The following RPS6KA6 variants were observed in gnomAD, a reference collection of about 807,000 sequenced individuals.
RPS6KA6 encodes ribosomal protein S6 kinase A6, also known as ribosomal protein S6 kinase alpha-6.
RPS6KA6 carries 27 observed loss-of-function variants against 65.4 expected under a neutral mutation model. That is an observed-to-expected ratio of 0.41 (90% CI 0.30 to 0.57). RPS6KA6 has a LOEUF of 0.57. Ranked by LOEUF, RPS6KA6 falls within the 20% of genes least tolerant of loss-of-function variation. RPS6KA6 has a pLI of 0.24. For synonymous variants in RPS6KA6, 190 were observed against 184.2 expected (o/e 1.03, Z -0.26); for missense variants, 486 against 555.6 (o/e 0.87, Z 1.26).
intron 20 of RPS6KA6, among the ~76,000 whole-genome samples, chrX:84,093,710 ATT>A (rs746221874): frequency 3.6e-5 from 4 of 111,170 alleles, no homozygotes; most frequent in Non-Finnish European, 7.6e-5. Flanking sequence ...ATTTCAGCAG[ATT>A]TTTTTTTGCA....
chrX:84,178,892 C>CA (rs1434911714), intron 1 of RPS6KA6, among the ~76,000 whole-genome samples: 2 of 108,114 alleles, frequency 1.8e-5, no homozygotes, highest in African/African-American at 6.7e-5. Flanking sequence ...GATACAACAC[C>CA]AAAAACACAA....
Position 84,086,544 on chromosome X carries a change from C to CT in RPS6KA6, c.1971+9649dup, listed in dbSNP as rs200707457. Among the ~76,000 whole-genome samples, 1,059 of 108,099 alleles carry CT rather than the reference C, an allele frequency of 9.8e-3. 13 individuals carry two copies. Among genetic ancestry groups the CT allele is most frequent in the African/African-American group, 0.03 (898 of 29,787 alleles). The allele number at this position is 108,099 out of a possible 115,157, so 93.9% of individuals were successfully genotyped here. ...ACTGTTTGTTATGATTTCAGTTTTT[C>CT]TTTTTTTTTGCATTTGCTGAGGAGT... On this transcript the variant is annotated intron_variant, in intron 20 of 21. Coordinates refer to ENST00000262752, the MANE Select transcript of RPS6KA6 (RefSeq NM_014496.5).
intron 1 of RPS6KA6, among the ~76,000 whole-genome samples, chrX:84,170,036 G>A (rs1281631598): frequency 9.2e-6 from 1 of 108,742 alleles, no homozygotes; most frequent in Non-Finnish European, 1.9e-5. Context: ...TGTACATAGT[G>A]ACACACGCCT....
chrX:84,067,174 C>G (rs190490893), intron 20 of RPS6KA6, among the ~76,000 whole-genome samples: 174 of 112,042 alleles, frequency 1.6e-3, no homozygotes, highest in African/African-American at 5.5e-3. Context: ...GAGGAAAAAC[C>G]AGCACAAAAA....
chrX:84,162,119 T>C (rs920665605), intron 2 of RPS6KA6, among the ~76,000 whole-genome samples: 2 of 110,522 alleles, frequency 1.8e-5, no homozygotes, highest in Non-Finnish European at 3.8e-5. Flanking sequence ...CTGAAAGAAG[T>C]AGGATACTAG....
chrX:84,108,017 G>A (rs12690410), intron 12 of RPS6KA6, among the ~76,000 whole-genome samples: 2 of 111,797 alleles, frequency 1.8e-5, no homozygotes, highest in East Asian at 5.7e-4. Flanking sequence ...ATACAGCACA[G>A]TAATAACTAA....
rs761671205 is a variant in RPS6KA6 at position 84,124,173 on chromosome X, A to G, written c.647-4146T>C. 3.2e-3 allele frequency among the ~76,000 whole-genome samples: 361 copies of G among 111,502 alleles called. 1 individual carries two copies. The highest frequency in any genetic ancestry group is 5.4e-3 in the Non-Finnish European group (289 of 53,119). ...CAGCGAATACCTGTACAGTCTTCTC[A>G]AGAAGGACAGGTACAAACAAGCCCG... On this transcript the variant is annotated intron_variant, in intron 8 of 21. Transcript: ENST00000262752.
chrX:84,095,618 A>C, intron 20 of RPS6KA6, among the ~76,000 whole-genome samples: 1 of 68,929 alleles, frequency 1.5e-5, no homozygotes, highest in South Asian at 6.0e-4. Context: ...ATTGAATAGT[A>C]TTTTGGATAT....
chrX:84,111,471 CATCAGACTGACAGTG>C (rs2034469504), intron 12 of RPS6KA6, among the ~76,000 whole-genome samples: 2 of 111,736 alleles, frequency 1.8e-5, no homozygotes, highest in South Asian at 7.5e-4. Context: ...AAGGAAATCT[CATCAGACTGACAGTG>C]GACTTCTCAG....
At chrX:84,150,012 C>A (rs1024580775) in intron 3 of RPS6KA6, among the ~76,000 whole-genome samples, 2 of 112,248 alleles carry the variant, frequency 1.8e-5, no homozygotes, top group Non-Finnish European at 3.8e-5. Context: ...TTCTGACTAA[C>A]CTGCTACAGC....
At chrX:84,082,686 A>T (rs922423940) in intron 20 of RPS6KA6, among the ~76,000 whole-genome samples, 2 of 111,751 alleles carry the variant, frequency 1.8e-5, no homozygotes, top group African/African-American at 6.5e-5. Flanking sequence ...ACGCTACCTG[A>T]CTTCAAACTA....
chrX:84,160,135 A>G, intron 2 of RPS6KA6, among the ~76,000 whole-genome samples: 1 of 111,440 alleles, frequency 9.0e-6, no homozygotes, highest in Admixed American at 9.5e-5. Flanking sequence ...CTAAATAAGG[A>G]CCCCTAGTCT....
chrX:84,180,231 G>A (rs771120845), intron 1 of RPS6KA6, among the ~76,000 whole-genome samples: 76 of 111,335 alleles, frequency 6.8e-4, no homozygotes, highest in African/African-American at 2.2e-3. Context: ...ATGTCTTAAT[G>A]ACTAATTTCA....
At chrX:84,173,584 T>C (rs755211154) in intron 1 of RPS6KA6, among the ~76,000 whole-genome samples, 17 of 112,709 alleles carry the variant, frequency 1.5e-4, no homozygotes, top group Non-Finnish European at 2.8e-4. Context: ...ATAAAAAATA[T>C]GTGAATCAAA....
At chrX:84,140,754 C>CATATATATATATATATATATAT (rs2035084323) in intron 6 of RPS6KA6, among the ~76,000 whole-genome samples, 1 of 56,361 alleles carries the variant, frequency 1.8e-5, no homozygotes, top group Non-Finnish European at 3.8e-5. Context: ...AAAAAAAAAA[C>CATATATATATATATATATATAT]ATACATATAT....
intron 6 of RPS6KA6, among the ~76,000 whole-genome samples, chrX:84,142,895 T>G (rs2035131883): frequency 9.0e-6 from 1 of 110,993 alleles, no homozygotes; most frequent in African/African-American, 3.3e-5. Flanking sequence ...GTGAATTCTA[T>G]CAATCATTTA....
chrX:84,159,367 T>C (rs990108218), intron 2 of RPS6KA6, among the ~76,000 whole-genome samples: 1 of 111,203 alleles, frequency 9.0e-6, no homozygotes, highest in Non-Finnish European at 1.9e-5. Flanking sequence ...AAAAGCTTGA[T>C]AGTAGCAGCA....
At chrX:84,092,178 T>G (rs1271538750) in intron 20 of RPS6KA6, among the ~76,000 whole-genome samples, 1 of 111,104 alleles carries the variant, frequency 9.0e-6, no homozygotes. Context: ...ATCCTGCACA[T>G]GTTTCCCAGA....
At chrX:84,140,443 T>C (rs748219729) in intron 6 of RPS6KA6, among the ~76,000 whole-genome samples, 3 of 110,602 alleles carry the variant, frequency 2.7e-5, no homozygotes, top group Admixed American at 1.9e-4. Context: ...TAATAAAAAA[T>C]TGTCAATCAT....
Sources: gnomAD v4.1 joint callset for allele counts (sites outside exome capture counted in the v4.1 genomes callset) on GRCh38, gnomAD v4.1.1 for gene constraint, MANE v1.5 for transcripts, NCBI Gene and HGNC (gene_info 2026-07-23, HGNC 2026-07-21) for gene names.